CSNK1G1: variants seen among roughly 807,000 people sequenced by gnomAD.
CSNK1G1 encodes casein kinase I isoform gamma-1.
In CSNK1G1, 22 loss-of-function variants were observed where a neutral mutation model predicts 59.6. That is an observed-to-expected ratio of 0.37 (90% CI 0.26 to 0.53). CSNK1G1 has a LOEUF of 0.53. CSNK1G1 is among the 20% of genes least tolerant of loss of function. The pLI is 0.89. For missense variants in CSNK1G1, 384 were observed against 519.5 expected (o/e 0.74, Z 2.54); for synonymous variants, 179 against 177.1 (o/e 1.01, Z -0.08).
intron 10 of CSNK1G1, chr15:64,181,301 T>A (rs1347097719): frequency 6.5e-7 from 1 of 1,536,142 alleles, no homozygotes; most frequent in South Asian, 1.2e-5. Flanking sequence ...ATCAGGCTTC[T>A]CTTGCATGTG....
chr15:64,256,471 T>C (rs1429618761), intron 3 of CSNK1G1, among the ~76,000 whole-genome samples: 1 of 152,220 alleles, frequency 6.6e-6, no homozygotes, highest in Non-Finnish European at 1.5e-5. Flanking sequence ...ACTGAGAGAA[T>C]TACACACTTC....
At chr15:64,184,040 A>G (rs1250128674) in intron 10 of CSNK1G1, among the ~76,000 whole-genome samples, 2 of 152,110 alleles carry the variant, frequency 1.3e-5, no homozygotes, top group Non-Finnish European at 2.9e-5. Context: ...GCAGTGGCTC[A>G]CGCCTGTAAT....
chr15:64,246,641 G>A (rs1177013536), intron 4 of CSNK1G1, among the ~76,000 whole-genome samples: 3 of 29,484 alleles, frequency 1.0e-4, no homozygotes, highest in African/African-American at 5.5e-4. Flanking sequence ...AAAAAAAAAG[G>A]GGGGGGGGGA....
chr15:64,242,259 T>C (rs747880502), intron 4 of CSNK1G1, among the ~76,000 whole-genome samples: 4 of 152,198 alleles, frequency 2.6e-5, no homozygotes, highest in Non-Finnish European at 4.4e-5. Flanking sequence ...GTTCAAATAT[T>C]TGTCCCTGCT....
intron 1 of CSNK1G1, among the ~76,000 whole-genome samples, chr15:64,336,755 G>A (rs981435009): frequency 1.3e-5 from 2 of 152,132 alleles, no homozygotes; most frequent in Non-Finnish European, 2.9e-5. Context: ...GGAAAACTCA[G>A]TTTTAGTCAC....
chr15:64,238,621 A>G (rs2082652504), intron 4 of CSNK1G1, among the ~76,000 whole-genome samples: 1 of 149,596 alleles, frequency 6.7e-6, no homozygotes. Context: ...CCTGTGCTCA[A>G]AAATGGGAAA....
intron 11 of CSNK1G1, among the ~76,000 whole-genome samples, chr15:64,178,272 G>T (rs750340500): frequency 2.0e-5 from 3 of 152,126 alleles, no homozygotes; most frequent in Non-Finnish European, 4.4e-5. Context: ...GAGAATAGGA[G>T]CATGTTTCCT....
At chr15:64,252,093 A>G (rs931396462) in intron 3 of CSNK1G1, among the ~76,000 whole-genome samples, 1 of 151,528 alleles carries the variant, frequency 6.6e-6, no homozygotes, top group Non-Finnish European at 1.5e-5. Context: ...AATGTCTTTC[A>G]AAGTATTTAT....
chr15:64,234,349 A>G (rs1346464543), intron 4 of CSNK1G1, among the ~76,000 whole-genome samples: 1 of 152,210 alleles, frequency 6.6e-6, no homozygotes, highest in East Asian at 1.9e-4. Flanking sequence ...TATTTCAAAT[A>G]GGCCACTCAC....
At chr15:64,280,732 T>C (rs149272472) in intron 2 of CSNK1G1, among the ~76,000 whole-genome samples, 1 of 152,242 alleles carries the variant, frequency 6.6e-6, no homozygotes, top group East Asian at 1.9e-4. Context: ...GTTGGTGTCT[T>C]ATGCTAAGCA....
intron 1 of CSNK1G1, among the ~76,000 whole-genome samples, chr15:64,345,861 G>A (rs991997481): frequency 1.3e-5 from 2 of 151,902 alleles, no homozygotes; most frequent in Non-Finnish European, 2.9e-5. Context: ...GCACAATCTC[G>A]GCTCACTGCA....
chr15:64,270,432 G>A (rs1418677675), intron 2 of CSNK1G1, among the ~76,000 whole-genome samples: 4 of 151,908 alleles, frequency 2.6e-5, no homozygotes, highest in Non-Finnish European at 5.9e-5. Context: ...TTTTTGATGT[G>A]GACATTTATT....
At chr15:64,204,324 A>C (rs748738386) in intron 9 of CSNK1G1, 117 bp downstream of exon 9, 5 of 883,974 alleles carry the variant, frequency 5.7e-6, no homozygotes, top group Non-Finnish European at 8.3e-6. Flanking sequence ...TCTACGATCA[A>C]AGGAATATTT....
At chr15:64,339,473 C>T (rs545443069) in intron 1 of CSNK1G1, among the ~76,000 whole-genome samples, 17 of 152,056 alleles carry the variant, frequency 1.1e-4, no homozygotes, top group Non-Finnish European at 1.6e-4. Flanking sequence ...CCACCACGCC[C>T]GGCTAATTTC....
At chr15:64,272,963 CA>C (rs751864109) in intron 2 of CSNK1G1, among the ~76,000 whole-genome samples, 3 of 152,194 alleles carry the variant, frequency 2.0e-5, no homozygotes, top group Non-Finnish European at 4.4e-5. Context: ...CTCGGCTTCC[CA>C]AAGTGCTGAA....
At chr15:64,297,606 G>A (rs976335) in intron 2 of CSNK1G1, among the ~76,000 whole-genome samples, 8,699 of 152,100 alleles carry the variant, frequency 0.057, 756 homozygotes, top group African/African-American at 0.19. Flanking sequence ...GCTGAAGTAG[G>A]AGGATCGCTT....
chr15:64,277,469 T>G (rs1241043121), intron 2 of CSNK1G1, among the ~76,000 whole-genome samples: 2 of 151,180 alleles, frequency 1.3e-5, no homozygotes, highest in Non-Finnish European at 2.9e-5. Flanking sequence ...TGTCATTCAT[T>G]CATTCATATG....
intron 1 of CSNK1G1, among the ~76,000 whole-genome samples, chr15:64,337,122 G>A (rs1897427629): frequency 1.3e-5 from 2 of 152,070 alleles, no homozygotes; most frequent in Non-Finnish European, 1.5e-5. Context: ...CAGCTACTCA[G>A]GAGGCTGAGG....
At chr15:64,313,444 T>G (rs890202981) in intron 1 of CSNK1G1, among the ~76,000 whole-genome samples, 2 of 152,200 alleles carry the variant, frequency 1.3e-5, no homozygotes, top group African/African-American at 4.8e-5. Flanking sequence ...GTTCATGTCC[T>G]TTGCAGGGAC....
Sources: gnomAD v4.1 joint callset for allele counts (sites outside exome capture counted in the v4.1 genomes callset) on GRCh38, gnomAD v4.1.1 for gene constraint, MANE v1.5 for transcripts, NCBI Gene and HGNC (gene_info 2026-07-23, HGNC 2026-07-21) for gene names.